Variants in EDEM3 observed in about 807,000 individuals in gnomAD.
EDEM3 encodes ER degradation enhancing alpha-mannosidase like protein 3.
Under a neutral mutation model 110.2 loss-of-function variants are expected in EDEM3, and 60 were observed. The ratio of observed to expected loss-of-function variants is 0.54; its 90% CI spans 0.44 to 0.67. The LOEUF is 0.67. Among genes scored for constraint, EDEM3 ranks in the 30% least tolerant of loss-of-function variants. EDEM3 has a pLI of 0.00. For synonymous variants in EDEM3, 352 were observed against 382.9 expected (o/e 0.92, Z 0.94); for missense variants, 996 against 1,121.0 (o/e 0.89, Z 1.59).
rs116911269 is a variant in EDEM3, at chr1:184,691,744, C to T, written c.*2319G>A. On this transcript the variant is annotated 3_prime_UTR_variant, in exon 20 of 20. Coordinates refer to ENST00000318130, the MANE Select transcript of EDEM3 (RefSeq NM_025191.4). ...AATTACAACGTTGGAGTTTTTTAGA[C>T]GAACATTATCTCCTCTTTTCTTAAC... 3.2e-4 allele frequency: 48 copies of T among 151,962 alleles called. No individual in the cohort carries two copies. In the East Asian group the frequency reaches 6.0e-3, roughly 19 times the overall value. The allele number at this position is 151,962 out of a possible 1,614,324, so 9.4% of individuals were successfully genotyped here. A position where few individuals can be genotyped will look rare whatever the true frequency, so the allele number is the denominator to read the frequency against.
At position 184,691,953 on chromosome 1, in the gene EDEM3, T is replaced by C. The variant is rs868438268; in HGVS notation, c.*2110A>G. ...AGTGGCAGTAAGCTGGCTTTTCCAA[T>C]GTGTCACACAATCCTTCATGCCATT... is the stretch of plus-strand genomic sequence containing the variant. On this transcript the variant is annotated 3_prime_UTR_variant, in exon 20 of 20. Coordinates refer to ENST00000318130, the MANE Select transcript of EDEM3 (RefSeq NM_025191.4). 5.9e-5 allele frequency: 9 copies of C among 152,236 alleles called. No homozygotes were observed. Among genetic ancestry groups the C allele is most frequent in the Admixed American group, 3.3e-4 (5 of 15,272 alleles). The allele number at this position is 152,236 out of a possible 1,614,324, so 9.4% of individuals were successfully genotyped here.
chr1:184,735,390 G>A lies in EDEM3; in HGVS notation c.346-747C>T, dbSNP rs939113535. 3.3e-5 allele frequency among the ~76,000 whole-genome samples: 5 copies of A among 152,216 alleles called. No individual in the cohort carries two copies. In the South Asian group the frequency reaches 1.0e-3, roughly 32 times the overall value. ...AGATCTAGAATCCTGACTAAACTAA[G>A]AATTTTGTAGATTCTTGCAATGAGC... On this transcript the variant is annotated intron_variant, in intron 4 of 19. Coordinates refer to ENST00000318130, the MANE Select transcript of EDEM3 (RefSeq NM_025191.4).
Position 184,694,142 on chromosome 1 carries a change from A to T in EDEM3, c.2720T>A (p.Val907Asp), listed in dbSNP as rs201554031. ...SNPNVSWGKK[V>D]QPIDSILADW... is the part of the protein sequence containing the mutation. ...TGCTAATATGGAGTCTATAGGCTGGACCTTTTTACCCCAGCTAACATTAGG... is the reference window on the plus strand; with the variant it reads ...TGCTAATATGGAGTCTATAGGCTGGTCCTTTTTACCCCAGCTAACATTAGG... Residue 907 changes from valine to aspartate, a missense_variant, in exon 20 of 20, where the codon GTC becomes GAC. Transcript: ENST00000318130. 39 of 1,613,136 alleles carry T rather than the reference A, an allele frequency of 2.4e-5. No individual in the cohort carries two copies. The Admixed American group carries it at 6.3e-4, about 26-fold the overall frequency.
At chr1:184,753,448 C>A (rs1652889700) in intron 1 of EDEM3, among the ~76,000 whole-genome samples, 1 of 150,606 alleles carries the variant, frequency 6.6e-6, no homozygotes, top group Non-Finnish European at 1.5e-5. Flanking sequence ...GCTCTTGTTG[C>A]CCAGGCTGGA....
At chr1:184,734,366 G>A (rs1651707211) in intron 5 of EDEM3, among the ~76,000 whole-genome samples, 165 bp downstream of exon 5, 1 of 152,060 alleles carries the variant, frequency 6.6e-6, no homozygotes, top group Non-Finnish European at 1.5e-5. Context: ...CTACTCAGGA[G>A]GCTTAGATAG....
chr1:184,720,992 A>G (rs1385055580), intron 9 of EDEM3: 2 of 231,052 alleles, frequency 8.7e-6, no homozygotes, highest in South Asian at 7.7e-5. Flanking sequence ...ACATATTTCA[A>G]TAATTCTTAT....
At chr1:184,710,071 T>C (rs987921418) in intron 16 of EDEM3, among the ~76,000 whole-genome samples, 7 of 152,190 alleles carry the variant, frequency 4.6e-5, no homozygotes, top group Non-Finnish European at 1.0e-4. Context: ...TTACTAGTTT[T>C]TGAAGTTATG....
intron 2 of EDEM3, among the ~76,000 whole-genome samples, chr1:184,742,057 C>T (rs145566090): frequency 7.1e-4 from 108 of 152,216 alleles, no homozygotes; most frequent in Non-Finnish European, 1.1e-3. Context: ...TCTCCTACTG[C>T]CTCTCAGTCA....
Position 184,721,280 on chromosome 1 carries a change from T to A in EDEM3, c.951+9A>T. 6.3e-7 allele frequency: 1 copy of A among 1,586,288 alleles called. No individual in the cohort carries two copies. The highest frequency in any genetic ancestry group is 8.6e-7 in the Non-Finnish European group (1 of 1,166,950). On this transcript the variant is annotated intron_variant, in intron 9 of 19. Coordinates refer to ENST00000318130, the MANE Select transcript of EDEM3 (RefSeq NM_025191.4). ...GTTGATTATAAAATATAAAATTGTA[T>A]CAACTTACTGTGTTAAATCTTTCCA... is the stretch of plus-strand genomic sequence containing the variant.
Position 184,737,594 on chromosome 1 carries a change from C to A in EDEM3, c.305+17G>T, listed in dbSNP as rs765815626. On this transcript the variant is annotated intron_variant, in intron 3 of 19. Transcript: ENST00000318130. The stretch of plus-strand genomic sequence containing the variant: ...GGAACTCTGAGATGCCATGCCATGC[C>A]CTGTGTTAATACTCACTTTCCCAAG... 4.3e-6 allele frequency: 7 copies of A among 1,612,064 alleles called. No individual in the cohort carries two copies. The highest frequency in any genetic ancestry group is 5.9e-6 in the Non-Finnish European group (7 of 1,178,330).
At chr1:184,703,086 GA>G in intron 18 of EDEM3, 90 bp from the exon 19 acceptor site, 1 of 1,102,002 alleles carries the variant, frequency 9.1e-7, no homozygotes, top group South Asian at 2.3e-5. Flanking sequence ...TACAATGACA[GA>G]ATTAATTTTA....
intron 7 of EDEM3, among the ~76,000 whole-genome samples, chr1:184,726,036 T>C (rs1359891577): frequency 6.6e-6 from 1 of 152,166 alleles, no homozygotes; most frequent in Non-Finnish European, 1.5e-5. Flanking sequence ...AAACATATAC[T>C]TCATAGTTGG....
At chr1:184,727,418 CA>C (rs972133596) in intron 6 of EDEM3, among the ~76,000 whole-genome samples, 76 of 151,928 alleles carry the variant, frequency 5.0e-4, no homozygotes, top group African/African-American at 1.7e-3. Context: ...AACAAATAAA[CA>C]AAAAAAATCA....
chr1:184,716,347 C>T (rs1313681592), intron 13 of EDEM3, among the ~76,000 whole-genome samples: 1 of 152,112 alleles, frequency 6.6e-6, no homozygotes, highest in Non-Finnish European at 1.5e-5. Flanking sequence ...AAGGAGAATG[C>T]TTGTGAATTT....
intron 2 of EDEM3, among the ~76,000 whole-genome samples, chr1:184,743,532 A>G (rs1652256769): frequency 6.6e-6 from 1 of 152,154 alleles, no homozygotes; most frequent in South Asian, 2.1e-4. Context: ...TCAGACTCTA[A>G]ATTTACTAGG....
chr1:184,706,475 T>G (rs1571355618), intron 18 of EDEM3, among the ~76,000 whole-genome samples, 168 bp downstream of exon 18: 1 of 152,274 alleles, frequency 6.6e-6, no homozygotes, highest in South Asian at 2.1e-4. Flanking sequence ...TTAAAAAAGA[T>G]GTTAGATATC....
chr1:184,699,913 T>C (rs1170393842), intron 19 of EDEM3, among the ~76,000 whole-genome samples: 1 of 151,962 alleles, frequency 6.6e-6, no homozygotes, highest in Non-Finnish European at 1.5e-5. Context: ...CTCTTAATTG[T>C]AAACTGCTTC....
intron 3 of EDEM3, 140 bp downstream of exon 3, chr1:184,737,471 T>A (rs1651895709): frequency 3.0e-6 from 2 of 675,048 alleles, no homozygotes; most frequent in Middle Eastern, 2.6e-4. Context: ...CAGAAGGGAA[T>A]AAAGGAGCAT....
rs1231826486 is a variant in EDEM3, at chr1:184,694,197, C to T, written c.2665G>A (p.Glu889Lys). 6.2e-7 allele frequency: 1 copy of T among 1,613,444 alleles called. No individual in the cohort carries two copies. The highest frequency in any genetic ancestry group is 1.1e-5 in the South Asian group (1 of 91,066). ...GAATCTTCCTCAGTTTCTGATTGTT[C>T]TTGAAGCTGGTTATCTAAATCTGTA... ...ECTDLDNQLQ[E>K]QSETEEDSNP... The change falls in exon 20 of 20, where the codon GAA becomes AAA. Residue 889 changes from glutamate to lysine, a missense_variant. This residue lies in a region of EDEM3 where 345 missense variants were observed against 402.0 expected (regional missense o/e 0.86). Coordinates refer to ENST00000318130, the MANE Select transcript of EDEM3 (RefSeq NM_025191.4).
Sources: gnomAD v4.1 joint callset for allele counts (sites outside exome capture counted in the v4.1 genomes callset) on GRCh38, gnomAD v4.1.1 for gene constraint, gnomAD v4.1.1 regional missense constraint, MANE v1.5 for transcripts, NCBI Gene and HGNC (gene_info 2026-07-23, HGNC 2026-07-21) for gene names.